Variants in PDE1C observed in about 807,000 individuals in gnomAD.
The protein encoded by PDE1C is phosphodiesterase 1C.
PDE1C carries 62 observed loss-of-function variants against 93.1 expected under a neutral mutation model. The ratio of observed to expected loss-of-function variants is 0.67; its 90% CI spans 0.54 to 0.82. The LOEUF (loss-of-function observed/expected upper bound fraction) is 0.82. Ranked by LOEUF, PDE1C falls within the 40% of genes least tolerant of loss-of-function variation. The pLI is 0.00. For missense variants in PDE1C, 742 were observed against 884.6 expected (o/e 0.84, Z 2.04); for synonymous variants, 325 against 310.1 (o/e 1.05, Z -0.50).
At chr7:31,902,917 C>T (rs2128923414) in intron 2 of PDE1C, among the ~76,000 whole-genome samples, 1 of 151,630 alleles carries the variant, frequency 6.6e-6, no homozygotes, top group East Asian at 1.9e-4. Context: ...TAGATCTGTC[C>T]TAGTCTTCCT....
intron 2 of PDE1C, among the ~76,000 whole-genome samples, chr7:31,987,638 T>C (rs1021281670): frequency 1.3e-5 from 2 of 152,222 alleles, no homozygotes; most frequent in Non-Finnish European, 2.9e-5. Flanking sequence ...CCTTCCCTAA[T>C]AAAACCAACT....
At chr7:32,316,557 A>G (rs1783177185) in intron 1 of PDE1C, among the ~76,000 whole-genome samples, 1 of 152,194 alleles carries the variant, frequency 6.6e-6, no homozygotes, top group Non-Finnish European at 1.5e-5. Flanking sequence ...CTTGCATGAG[A>G]CTGAAGTTCT....
At chr7:31,778,575 T>C (rs1783176061) in intron 16 of PDE1C, among the ~76,000 whole-genome samples, 1 of 152,164 alleles carries the variant, frequency 6.6e-6, no homozygotes, top group Non-Finnish European at 1.5e-5. Context: ...ACAAATATCC[T>C]CTAGAGGCAA....
At chr7:32,065,041 G>C (rs56112920) in intron 1 of PDE1C, among the ~76,000 whole-genome samples, 1 of 85,734 alleles carries the variant, frequency 1.2e-5, no homozygotes, top group Non-Finnish European at 2.6e-5. Flanking sequence ...TACTTCTGAC[G>C]GAACGGCGGT....
At chr7:32,052,469 A>T (rs933048507) in intron 1 of PDE1C, 1 of 407,948 alleles carries the variant, frequency 2.5e-6, no homozygotes, top group African/African-American at 2.1e-5. Flanking sequence ...GAAGACCCTT[A>T]AAAGAGTTTC....
intron 2 of PDE1C, among the ~76,000 whole-genome samples, chr7:32,036,227 A>ACATT (rs1044526326): frequency 2.0e-5 from 3 of 152,184 alleles, no homozygotes; most frequent in Non-Finnish European, 4.4e-5. Context: ...CAGGTCAGCT[A>ACATT]CATTCATTCA....
chr7:31,683,478 A>G, the PDE1C span, among the ~76,000 whole-genome samples: 11 of 152,176 alleles, frequency 7.2e-5, no homozygotes, highest in African/African-American at 2.7e-4. Flanking sequence ...TATAGATTAA[A>G]GAGTTCCCTA....
At position 31,873,401 on chromosome 7, in the gene PDE1C, T is replaced by C. The variant is rs1175391137; in HGVS notation, c.500A>G (p.Asp167Gly). The C allele has an allele frequency of 3.7e-6, 6 of 1,606,170 alleles. No individual in the cohort carries two copies. The highest frequency in any genetic ancestry group is 1.3e-5 in the African/African-American group (1 of 74,688). The change falls in exon 6 of 18, where the codon GAC becomes GGC. Residue 167 changes from aspartate (D) to glycine (G), a missense_variant. Coordinates refer to ENST00000396191, the MANE Select transcript of PDE1C (RefSeq NM_001191057.4). ...PAVIEALKDV[D>G]KWSFDVFSLN... ...GGAAAAGACGTCAAAGGACCACTTG[T>C]CCACATCCTGCAGGACAGGGTGGGG...
chr7:31,977,973 T>C lies in PDE1C; in HGVS notation c.128+73581A>G, dbSNP rs958882130. 8.5e-5 allele frequency among the ~76,000 whole-genome samples: 13 copies of C among 152,286 alleles called. No individual in the cohort carries two copies. The East Asian group carries it at 2.5e-3, about 29-fold the overall frequency. ...TCTTTAAATTCTCCCTAGAACTCAA[T>C]GAGGTAGAACTACAATCATCCTCAC... is the stretch of plus-strand genomic sequence containing the variant. On this transcript the variant is annotated intron_variant, in intron 2 of 17. Transcript: ENST00000396191.
chr7:32,098,667 T>G (rs557209625), intron 3 of PDE1C, among the ~76,000 whole-genome samples: 45 of 152,308 alleles, frequency 3.0e-4, no homozygotes, highest in African/African-American at 9.9e-4. Context: ...TGAACAAAGT[T>G]TTTGTTTTGT....
intron 13 of PDE1C, among the ~76,000 whole-genome samples, chr7:31,823,827 T>C (rs1279952475): frequency 6.6e-6 from 1 of 152,110 alleles, no homozygotes; most frequent in African/African-American, 2.4e-5. Flanking sequence ...GGTAACTTTG[T>C]AAATATTAGA....
chr7:31,624,386 A>G, the PDE1C span, among the ~76,000 whole-genome samples: 3 of 145,784 alleles, frequency 2.1e-5, no homozygotes, highest in African/African-American at 7.7e-5. Context: ...ACAAGGCTAC[A>G]GTAACCAAAA....
At position 31,815,928 on chromosome 7, in the gene PDE1C, C is replaced by G; in HGVS notation, c.1809G>C (p.Gln603His). The G allele has an allele frequency of 6.2e-7, 1 of 1,605,484 alleles. No individual in the cohort carries two copies. Among genetic ancestry groups the G allele is most frequent in the Non-Finnish European group, 8.5e-7 (1 of 1,172,176 alleles). Residue 603 changes from glutamine (Q) to histidine (H), a missense_variant, in exon 15 of 18, where the codon CAG becomes CAC. This residue lies in a region of PDE1C where 454 missense variants were observed against 459.4 expected (regional missense o/e 0.99). Transcript: ENST00000396191. ...CACCAGTGTAAGTCTACTCACCATT[C>G]TGTTGCTGTTCTCCTGATGACTTCT... ...KAEKSSGEQQ[Q>H]NGDFKDGKNK... is the part of the protein sequence containing the mutation.
At chr7:31,795,644 T>G (rs995000429) in intron 16 of PDE1C, among the ~76,000 whole-genome samples, 1 of 151,820 alleles carries the variant, frequency 6.6e-6, no homozygotes, top group Non-Finnish European at 1.5e-5. Context: ...ATACTTTTAT[T>G]TGACATTTCT....
chr7:31,931,644 G>A (rs78007355), intron 2 of PDE1C, among the ~76,000 whole-genome samples: 1 of 152,096 alleles, frequency 6.6e-6, no homozygotes, highest in Non-Finnish European at 1.5e-5. Context: ...AATCAATATC[G>A]TGAAAATGGC....
chr7:31,980,200 T>C (rs1812197265), intron 2 of PDE1C, among the ~76,000 whole-genome samples: 1 of 152,180 alleles, frequency 6.6e-6, no homozygotes, highest in African/African-American at 2.4e-5. Context: ...GCGGGCCAGG[T>C]CCACTTTATT....
chr7:31,996,901 G>C (rs1304993300), intron 2 of PDE1C, among the ~76,000 whole-genome samples: 1 of 152,146 alleles, frequency 6.6e-6, no homozygotes, highest in Non-Finnish European at 1.5e-5. Context: ...TCAGAGATGA[G>C]AATTACTGCA....
intron 2 of PDE1C, among the ~76,000 whole-genome samples, chr7:31,955,057 A>C (rs1033422941): frequency 6.6e-6 from 1 of 152,172 alleles, no homozygotes; most frequent in African/African-American, 2.4e-5. Context: ...AATTTTATAT[A>C]TGTCTCTCTC....
intron 2 of PDE1C, among the ~76,000 whole-genome samples, chr7:32,206,619 A>G (rs1340244441): frequency 2.0e-5 from 3 of 152,084 alleles, no homozygotes. Context: ...TGTTCCCCAC[A>G]CTGCCCTTGT....
Sources: gnomAD v4.1 joint callset for allele counts (sites outside exome capture counted in the v4.1 genomes callset) on GRCh38, gnomAD v4.1.1 for gene constraint, gnomAD v4.1.1 regional missense constraint, MANE v1.5 for transcripts, NCBI Gene and HGNC (gene_info 2026-07-23, HGNC 2026-07-21) for gene names.